The following NAALADL2 variants were observed in gnomAD, a reference collection of about 807,000 sequenced individuals.
The protein encoded by NAALADL2 is inactive N-acetylated-alpha-linked acidic dipeptidase-like protein 2.
Under a neutral mutation model 87.2 loss-of-function variants are expected in NAALADL2, and 76 were observed. That is an observed-to-expected ratio of 0.87 (90% CI 0.72 to 1.05). The LOEUF is 1.05. Among genes scored for constraint, NAALADL2 ranks in the 50% least tolerant of loss-of-function variants. The pLI is 0.00. For synonymous variants in NAALADL2, 354 were observed against 331.0 expected (o/e 1.07, Z -0.75); for missense variants, 1,089 against 945.8 (o/e 1.15, Z -1.99).
intron 3 of NAALADL2, among the ~76,000 whole-genome samples, chr3:174,747,621 C>CAAAAAAAAAAAA (rs150843588): frequency 2.6e-5 from 1 of 38,660 alleles, no homozygotes; most frequent in Non-Finnish European, 4.3e-5. Context: ...GACCCCATCT[C>CAAAAAAAAAAAA]AAAAAAAAAA....
chr3:175,548,901 A>G (rs943519690), intron 9 of NAALADL2, among the ~76,000 whole-genome samples: 2 of 152,024 alleles, frequency 1.3e-5, no homozygotes, highest in Admixed American at 1.3e-4. Context: ...AGTAGTTAAC[A>G]GAATCAAAGT....
In NAALADL2 at chr3:175,628,306, C is replaced by T. The variant is rs114184138; in HGVS notation, c.1896+920C>T. Among the ~76,000 whole-genome samples the T allele has an allele frequency of 3.5e-3, 523 of 151,580 alleles. 1 individual carries two copies. Among genetic ancestry groups the T allele is most frequent in the African/African-American group, 0.012 (481 of 41,446 alleles). ...CTGAGCATATTTAAGATAGGCTGGG[C>T]GAAGATAAGATGTTCAGTAGGTTAT... On this transcript the variant is annotated intron_variant, in intron 11 of 13. Coordinates refer to ENST00000454872, the MANE Select transcript of NAALADL2 (RefSeq NM_207015.3).
At chr3:175,580,323 A>G (rs555864278) in intron 10 of NAALADL2, among the ~76,000 whole-genome samples, 3 of 152,278 alleles carry the variant, frequency 2.0e-5, no homozygotes, top group Admixed American at 1.3e-4. Context: ...GTGCAAATAT[A>G]ATACAGATAC....
intron 5 of NAALADL2, among the ~76,000 whole-genome samples, chr3:175,371,556 G>A (rs987328013): frequency 8.5e-5 from 13 of 152,238 alleles, no homozygotes; most frequent in Non-Finnish European, 1.3e-4. Context: ...TGGGCACGAC[G>A]GCTCATGCTT....
chr3:175,063,822 G>A (rs1714020645), intron 1 of NAALADL2, among the ~76,000 whole-genome samples: 1 of 151,968 alleles, frequency 6.6e-6, no homozygotes, highest in African/African-American at 2.4e-5. Flanking sequence ...AAGCTTTTTA[G>A]CAGTTTAAAA....
intron 1 of NAALADL2, among the ~76,000 whole-genome samples, chr3:174,996,179 C>T (rs1427402430): frequency 1.3e-5 from 2 of 152,124 alleles, no homozygotes; most frequent in African/African-American, 2.4e-5. Flanking sequence ...TTCTATTTAC[C>T]TATAGTTCCA....
intron 6 of NAALADL2, among the ~76,000 whole-genome samples, chr3:175,455,495 C>T (rs190565537): frequency 1.3e-5 from 2 of 151,852 alleles, no homozygotes; most frequent in African/African-American, 4.8e-5. Flanking sequence ...GTTATTTTTT[C>T]TCATATTCGT....
At chr3:175,572,240 T>G (rs1462821531) in intron 9 of NAALADL2, among the ~76,000 whole-genome samples, 2 of 152,120 alleles carry the variant, frequency 1.3e-5, no homozygotes, top group Non-Finnish European at 2.9e-5. Flanking sequence ...AAAAGTTAAG[T>G]GCTCCCAGCT....
intron 11 of NAALADL2, among the ~76,000 whole-genome samples, chr3:175,649,834 G>A (rs1332326835): frequency 2.0e-5 from 3 of 152,030 alleles, no homozygotes; most frequent in Non-Finnish European, 4.4e-5. Context: ...ATAACAGTGT[G>A]CTTGGTACCT....
intron 11 of NAALADL2, among the ~76,000 whole-genome samples, chr3:175,720,157 G>T (rs1318922777): frequency 6.6e-6 from 1 of 151,922 alleles, no homozygotes; most frequent in African/African-American, 2.4e-5. Context: ...TATAAATAAT[G>T]GTAGAAATTG....
intron 1 of NAALADL2, among the ~76,000 whole-genome samples, chr3:174,934,878 G>C (rs1295710757): frequency 6.6e-6 from 1 of 151,648 alleles, no homozygotes; most frequent in African/African-American, 2.4e-5. Context: ...TGAAATTTTT[G>C]AATGTCATCC....
At chr3:175,665,926 T>TCCC (rs201067996) in intron 11 of NAALADL2, among the ~76,000 whole-genome samples, 5 of 147,700 alleles carry the variant, frequency 3.4e-5, no homozygotes, top group African/African-American at 9.9e-5. Context: ...TGGGACTCTG[T>TCCC]CCCCCCCCCA....
chr3:175,378,795 C>T (rs982525448), intron 5 of NAALADL2, among the ~76,000 whole-genome samples: 2 of 152,230 alleles, frequency 1.3e-5, no homozygotes, highest in South Asian at 2.1e-4. Flanking sequence ...AATAGTGTCC[C>T]GGTTTCTAAT....
chr3:175,113,676 G>A (rs1339651514), intron 2 of NAALADL2, among the ~76,000 whole-genome samples: 1 of 151,510 alleles, frequency 6.6e-6, no homozygotes, highest in Non-Finnish European at 1.5e-5. Flanking sequence ...TTTCCAACAA[G>A]TGATGAAAAG....
At chr3:175,318,473 G>C (rs1270065727) in intron 4 of NAALADL2, among the ~76,000 whole-genome samples, 2 of 151,896 alleles carry the variant, frequency 1.3e-5, no homozygotes, top group African/African-American at 4.8e-5. Context: ...GTCCAGCGAA[G>C]TTTTTATTTT....
chr3:174,706,939 A>G (rs1730128222), intron 2 of NAALADL2, among the ~76,000 whole-genome samples: 1 of 152,198 alleles, frequency 6.6e-6, no homozygotes, highest in Non-Finnish European at 1.5e-5. Flanking sequence ...CAAGAACTCA[A>G]ACAAATTTAC....
At chr3:175,504,586 TCTCTCTCTCTCTCTC>T in intron 9 of NAALADL2, among the ~76,000 whole-genome samples, 1 of 107,854 alleles carries the variant, frequency 9.3e-6, no homozygotes, top group East Asian at 3.3e-4. Context: ...TCTCTCTCTC[TCTCTCTCTCTCTCTC>T]TCTCTCTCTC....
chr3:175,357,821 A>G (rs186425155), intron 5 of NAALADL2, among the ~76,000 whole-genome samples: 53 of 152,296 alleles, frequency 3.5e-4, no homozygotes, highest in African/African-American at 1.2e-3. Context: ...AGTATTATAA[A>G]TGAATGGATT....
At chr3:174,519,522 G>A (rs568377038) in intron 1 of NAALADL2, among the ~76,000 whole-genome samples, 1 of 151,640 alleles carries the variant, frequency 6.6e-6, no homozygotes, top group African/African-American at 2.4e-5. Flanking sequence ...GTAGAGACAG[G>A]GTTTCTCCAT....
Sources: gnomAD v4.1 joint callset for allele counts (sites outside exome capture counted in the v4.1 genomes callset) on GRCh38, gnomAD v4.1.1 for gene constraint, MANE v1.5 for transcripts, NCBI Gene and HGNC (gene_info 2026-07-23, HGNC 2026-07-21) for gene names.